The following IPP variants were observed in gnomAD, a reference collection of about 807,000 sequenced individuals.
The protein encoded by IPP is intracisternal A particle-promoted polypeptide, also known as actin-binding protein IPP.
A neutral mutation model predicts 64.1 loss-of-function variants in IPP; 41 were observed. The observed-to-expected ratio is 0.64, with a 90% CI of 0.50 to 0.83. The LOEUF (loss-of-function observed/expected upper bound fraction) is 0.83. Ranked by LOEUF, IPP falls within the 40% of genes least tolerant of loss-of-function variation. The pLI is 0.00. For synonymous variants in IPP, 214 were observed against 235.2 expected, an observed-to-expected ratio of 0.91 and a Z score of 0.83; for missense variants, 649 against 703.0, an observed-to-expected ratio of 0.92 and a Z score of 0.87.
At chr1:45,723,458 G>A (rs1367646185) in intron 5 of IPP, among the ~76,000 whole-genome samples, 1 of 152,202 alleles carries the variant, frequency 6.6e-6, no homozygotes, top group Non-Finnish European at 1.5e-5. Flanking sequence ...ACATACATAT[G>A]CAAGTGTCAC....
At chr1:45,715,789 A>G (rs974412975) in intron 7 of IPP, among the ~76,000 whole-genome samples, 1 of 152,192 alleles carries the variant, frequency 6.6e-6, no homozygotes, top group African/African-American at 2.4e-5. Flanking sequence ...AAGTTGACAT[A>G]GATAAGTTCA....
At chr1:45,712,963 A>G (rs1645610850) in intron 8 of IPP, among the ~76,000 whole-genome samples, 1 of 151,692 alleles carries the variant, frequency 6.6e-6, no homozygotes, top group Non-Finnish European at 1.5e-5. Flanking sequence ...GACCTAAAAA[A>G]TATTTTAATA....
Position 45,700,072 on chromosome 1 carries a change from G to A in IPP, c.1649C>T (p.Pro550Leu). ...AACTTCAACTGAGTCCAAGGTACCT[G>A]GAGCCAAAAAATCATGGCTGGAAGA... ...GRSSSHDFLA[P>L]GTLDSVEVYN... Residue 550 changes from proline to leucine, a missense_variant, in exon 9 of 9, where the codon CCA becomes CTA. By Grantham distance (98) the Pro-to-Leu change is moderately conservative (BLOSUM62 -3). Transcript: ENST00000396478. 4 of 1,614,100 alleles carry A rather than the reference G, an allele frequency of 2.5e-6. No individual in the cohort carries two copies. Among genetic ancestry groups the A allele is most frequent in the Non-Finnish European group, 2.5e-6 (3 of 1,180,002 alleles).
rs141759902 is a variant in IPP, at chr1:45,747,031, G to C, written c.-50-570C>G. On this transcript the variant is annotated intron_variant, in intron 1 of 8. Coordinates refer to ENST00000396478, the MANE Select transcript of IPP (RefSeq NM_005897.3). ...CATCTGAGTTTGTTGCTCACCCTAAGCTTATTGGTTTTACATTCTATAGCA... is the reference window on the plus strand; with the variant it reads ...CATCTGAGTTTGTTGCTCACCCTAACCTTATTGGTTTTACATTCTATAGCA... Among the ~76,000 whole-genome samples the C allele has an allele frequency of 4.2e-3, 640 of 152,210 alleles. 2 individuals are homozygous for C. The highest frequency in any genetic ancestry group is 6.3e-3 in the Non-Finnish European group (428 of 68,004).
chr1:45,748,765 C>G (rs1367950458), intron 1 of IPP, among the ~76,000 whole-genome samples: 2 of 151,892 alleles, frequency 1.3e-5, no homozygotes, highest in African/African-American at 4.8e-5. Flanking sequence ...AGAGGTCAGG[C>G]GTTCAGGACC....
intron 4 of IPP, among the ~76,000 whole-genome samples, chr1:45,728,487 G>A (rs1298725280): frequency 2.6e-5 from 4 of 151,596 alleles, no homozygotes; most frequent in Admixed American, 2.6e-4. Flanking sequence ...TGCTGATAAA[G>A]TTTAATGCTT....
intron 1 of IPP, 66 bp from the exon 2 acceptor site, chr1:45,746,527 A>G: frequency 1.5e-6 from 1 of 674,428 alleles, no homozygotes; most frequent in Non-Finnish European, 2.6e-6. Context: ...ATTCACACAT[A>G]AGAAGCATTC....
chr1:45,739,099 C>G (rs1052557315), intron 3 of IPP, among the ~76,000 whole-genome samples: 1 of 151,972 alleles, frequency 6.6e-6, no homozygotes, highest in African/African-American at 2.4e-5. Context: ...GTTAACATTG[C>G]TAAGAGTGGA....
intron 3 of IPP, 67 bp downstream of exon 3, chr1:45,740,834 C>G: frequency 9.8e-7 from 1 of 1,023,202 alleles, no homozygotes. Context: ...AAAACACTCT[C>G]CCACATTTCA....
rs572642931 is a variant in IPP, at chr1:45,738,765, A to G, written c.724+2136T>C. Among the ~76,000 whole-genome samples, 4 of 144,508 alleles carry G rather than the reference A, an allele frequency of 2.8e-5. No individual in the cohort carries two copies. In the East Asian group the frequency reaches 6.5e-4, roughly 24 times the overall value. 94.8% of individuals were successfully genotyped at this position (144,508 alleles called of 152,430 possible). A position where few individuals can be genotyped will look rare whatever the true frequency, so the allele number is the denominator to read the frequency against. On this transcript the variant is annotated intron_variant, in intron 3 of 8. Coordinates refer to ENST00000396478, the MANE Select transcript of IPP (RefSeq NM_005897.3). ...TGAGGCAGGAGAATGGTGTGAACCC[A>G]GGAGGCGGAGCTTGCAGTGAGCCGA...
intron 1 of IPP, among the ~76,000 whole-genome samples, chr1:45,747,834 C>CAAAAAAAAAAAAAAA (rs60576414): frequency 5.1e-5 from 2 of 39,280 alleles, no homozygotes; most frequent in African/African-American, 1.0e-4. Flanking sequence ...GACTCTGTCT[C>CAAAAAAAAAAAAAAA]AAAAAAAAAA....
chr1:45,739,824 CTTT>C (rs552340899), intron 3 of IPP, among the ~76,000 whole-genome samples: 4 of 127,962 alleles, frequency 3.1e-5, no homozygotes, highest in African/African-American at 2.9e-5. Flanking sequence ...AAGAGGAAAT[CTTT>C]TTTTTTTTTT....
At chr1:45,701,058 T>C (rs1645443901) in intron 8 of IPP, among the ~76,000 whole-genome samples, 1 of 152,228 alleles carries the variant, frequency 6.6e-6, no homozygotes, top group Non-Finnish European at 1.5e-5. Flanking sequence ...GGAACTATAG[T>C]CTACTTTGGT....
intron 1 of IPP, among the ~76,000 whole-genome samples, chr1:45,747,645 T>C (rs1392614743): frequency 1.3e-5 from 2 of 151,848 alleles, no homozygotes; most frequent in Non-Finnish European, 2.9e-5. Context: ...CTGACCAACA[T>C]GACAAAACCC....
At chr1:45,696,378 A>G (rs1645388454), downstream of IPP, among the ~76,000 whole-genome samples, 1 of 152,236 alleles carries the variant, frequency 6.6e-6, no homozygotes, top group African/African-American at 2.4e-5. Context: ...AACAAAACCA[A>G]CTAAAAAACT....
intron 5 of IPP, 89 bp downstream of exon 5, chr1:45,727,536 ATATATG>A (rs1389448308): frequency 9.0e-6 from 5 of 558,414 alleles, no homozygotes; most frequent in Non-Finnish European, 1.4e-5. Flanking sequence ...GGACAATTAG[ATATATG>A]TATATCACAT....
intron 8 of IPP, 101 bp downstream of exon 8, chr1:45,714,145 C>A (rs928494859): frequency 5.7e-5 from 47 of 825,358 alleles, no homozygotes; most frequent in Non-Finnish European, 8.6e-5. Context: ...AAAAAATCCA[C>A]GAATGATCAA....
downstream of IPP, chr1:45,697,189 C>T (rs1223237749): frequency 6.6e-6 from 1 of 152,152 alleles, no homozygotes; most frequent in Non-Finnish European, 1.5e-5. Flanking sequence ...ATAAACTTTT[C>T]CTAATAAATG....
Position 45,700,171 on chromosome 1 carries a change from G to C in IPP, c.1550C>G (p.Ala517Gly). 1.9e-6 allele frequency: 3 copies of C among 1,612,518 alleles called. No individual in the cohort carries two copies. The highest frequency in any genetic ancestry group is 2.5e-6 in the Non-Finnish European group (3 of 1,179,522). The stretch of plus-strand genomic sequence containing the variant: ...GCCTGCTCTAGGCACTTTCATTGAG[G>C]CAACTTCAACCCACTTTTCCTGGTT... ...SFEEEKWVEV[A>G]SMKVPRAGMC... Residue 517 changes from alanine (A) to glycine (G), a missense_variant, in exon 9 of 9, where the codon GCC becomes GGC. Physicochemically the swap from Ala to Gly is moderately conservative, Grantham distance 60. Coordinates refer to ENST00000396478, the MANE Select transcript of IPP (RefSeq NM_005897.3).
Sources: allele counts gnomAD v4.1 joint callset (sites outside exome capture counted in the v4.1 genomes callset), GRCh38; gene constraint gnomAD v4.1.1; transcripts MANE v1.5; gene names NCBI Gene and HGNC (gene_info 2026-07-23, HGNC 2026-07-21).